PCBP3: variants seen among roughly 807,000 people sequenced by gnomAD.
The protein encoded by PCBP3 is poly(rC) binding protein 3.
PCBP3 carries 25 observed loss-of-function variants against 52.7 expected under a neutral mutation model. The ratio of observed to expected loss-of-function variants is 0.47; its 90% confidence interval spans 0.35 to 0.66. The LOEUF (loss-of-function observed/expected upper bound fraction) is 0.66, where lower values mean the gene tolerates loss of function less well. Ranked by LOEUF, PCBP3 falls within the 30% of genes least tolerant of loss-of-function variation. The pLI is 0.01. For missense variants in PCBP3, 391 were observed against 490.3 expected (o/e 0.80, Z 1.91); for synonymous variants, 162 against 183.0 (o/e 0.89, Z 0.93).
chr21:45,808,981 T>C (rs890087487), intron 4 of PCBP3, among the ~76,000 whole-genome samples: 8 of 151,544 alleles, frequency 5.3e-5, no homozygotes, highest in African/African-American at 1.7e-4. Flanking sequence ...TAAGTGGGAG[T>C]TGAACAATGA....
At chr21:45,843,017 CCT>C (rs1271070742) in intron 4 of PCBP3, among the ~76,000 whole-genome samples, 1 of 145,830 alleles carries the variant, frequency 6.9e-6, no homozygotes, top group Non-Finnish European at 1.5e-5. Context: ...TTTCCAGTGC[CCT>C]GTCTGAAATA....
chr21:45,717,695 AGT>A (rs1173762119), intron 2 of PCBP3, among the ~76,000 whole-genome samples: 1 of 152,176 alleles, frequency 6.6e-6, no homozygotes, highest in Non-Finnish European at 1.5e-5. Flanking sequence ...ACTTGATTAT[AGT>A]GTGTAATCTT....
intron 1 of PCBP3, among the ~76,000 whole-genome samples, chr21:45,651,747 A>G (rs944010228): frequency 2.6e-5 from 4 of 152,214 alleles, no homozygotes; most frequent in East Asian, 1.9e-4. Flanking sequence ...CTAAATTTCT[A>G]AAGGTAGAAC....
At position 45,880,140 on chromosome 21, in the gene PCBP3, G is replaced by A. The variant is rs2095365530; in HGVS notation, c.11-16068G>A. Among the ~76,000 whole-genome samples, 1 of 152,190 alleles carries A rather than the reference G, an allele frequency of 6.6e-6. No individual in the cohort carries two copies. Among genetic ancestry groups the A allele is most frequent in the Admixed American group, 6.5e-5 (1 of 15,278 alleles). ...TCTGCATCCTTTTTATTGACAAGAC[G>A]TTCCTGTCGTGAGTGGTTTTCCTCT... On this transcript the variant is annotated intron_variant, in intron 5 of 17. Transcript: ENST00000681687. This position sits in a 1 kb window ranked among gnomAD's most constrained non-coding sequence, Gnocchi z 5.4.
In PCBP3 at chr21:45,880,615, G is replaced by A. The variant is rs1384092951; in HGVS notation, c.11-15593G>A. On this transcript the variant is annotated intron_variant, in intron 5 of 17. Coordinates refer to ENST00000681687, the MANE Select transcript of PCBP3 (RefSeq NM_001384156.1). This position sits in a 1 kb window ranked among gnomAD's most constrained non-coding sequence, Gnocchi z 5.4. Reference sequence around the variant, plus strand: ...CGCCCCCTTGTGGGCCAAGAGTGGTGCTGGGAACTGGGGATTCAGTGGTGA... The same window carrying A: ...CGCCCCCTTGTGGGCCAAGAGTGGTACTGGGAACTGGGGATTCAGTGGTGA... 6.6e-6 allele frequency among the ~76,000 whole-genome samples: 1 copy of A among 152,168 alleles called. No individual in the cohort carries two copies.
intron 12 of PCBP3, 110 bp downstream of exon 12, chr21:45,914,135 C>T (rs755264356): frequency 4.5e-6 from 7 of 1,559,596 alleles, no homozygotes; most frequent in Non-Finnish European, 5.2e-6. Context: ...ACGTGCACGT[C>T]TCCCACCCGT....
chr21:45,848,002 G>A (rs917484305), intron 4 of PCBP3, among the ~76,000 whole-genome samples: 11 of 152,132 alleles, frequency 7.2e-5, no homozygotes, highest in Non-Finnish European at 1.6e-4. Flanking sequence ...CTCACCTCTT[G>A]GTCAGCCTCA....
At chr21:45,808,293 CATCT>C (rs938525814) in intron 4 of PCBP3, among the ~76,000 whole-genome samples, 24 of 152,090 alleles carry the variant, frequency 1.6e-4, no homozygotes, top group African/African-American at 5.6e-4. Flanking sequence ...GCAATCTATC[CATCT>C]GACAAAGGGT....
intron 17 of PCBP3, among the ~76,000 whole-genome samples, chr21:45,940,814 C>G (rs1218242618): frequency 2.0e-5 from 3 of 152,154 alleles, no homozygotes; most frequent in Non-Finnish European, 4.4e-5. Flanking sequence ...GCCCCCCAGC[C>G]AGGCACGCTG....
chr21:45,804,919 A>G (rs953707932), intron 4 of PCBP3, among the ~76,000 whole-genome samples: 9 of 151,840 alleles, frequency 5.9e-5, no homozygotes, highest in South Asian at 2.1e-4. Context: ...AGAGCTGGGC[A>G]TGGTTGAAAT....
intron 1 of PCBP3, among the ~76,000 whole-genome samples, chr21:45,654,038 G>T (rs1049450081): frequency 2.0e-5 from 3 of 151,886 alleles, no homozygotes; most frequent in Non-Finnish European, 4.4e-5. Context: ...ATTCATATGT[G>T]CTTATTATTA....
intron 4 of PCBP3, among the ~76,000 whole-genome samples, chr21:45,764,182 G>A (rs2089041974): frequency 6.6e-6 from 1 of 150,932 alleles, no homozygotes; most frequent in South Asian, 2.1e-4. Flanking sequence ...GAGTGCAATG[G>A]CGCAATCTTG....
At chr21:45,708,180 G>T (rs973386548) in intron 2 of PCBP3, among the ~76,000 whole-genome samples, 1 of 152,204 alleles carries the variant, frequency 6.6e-6, no homozygotes, top group African/African-American at 2.4e-5. Flanking sequence ...GTGAAAGGAG[G>T]ATGTTTGGGA....
intron 5 of PCBP3, among the ~76,000 whole-genome samples, chr21:45,862,912 C>A (rs2094564520): frequency 6.6e-6 from 1 of 152,198 alleles, no homozygotes; most frequent in African/African-American, 2.4e-5. Flanking sequence ...TGACTTTCTC[C>A]TACTCTGTGG....
chr21:45,789,179 C>T (rs561289575), intron 4 of PCBP3, among the ~76,000 whole-genome samples: 7 of 152,292 alleles, frequency 4.6e-5, no homozygotes, highest in East Asian at 1.9e-4. Context: ...TGTGTGCACA[C>T]GTGCGTGTGC....
intron 1 of PCBP3, among the ~76,000 whole-genome samples, chr21:45,662,273 T>TG (rs2080451152): frequency 2.1e-4 from 3 of 14,002 alleles, no homozygotes; most frequent in Non-Finnish European, 2.8e-4. Flanking sequence ...ATACCTAAGT[T>TG]TTTTTTTTTT....
At chr21:45,700,112 G>A (rs1163947950) in intron 2 of PCBP3, among the ~76,000 whole-genome samples, 1 of 152,186 alleles carries the variant, frequency 6.6e-6, no homozygotes, top group Non-Finnish European at 1.5e-5. Context: ...GACAATGTTT[G>A]ATGAGTCTGG....
At chr21:45,660,882 A>G (rs1429501448) in intron 1 of PCBP3, among the ~76,000 whole-genome samples, 1 of 152,098 alleles carries the variant, frequency 6.6e-6, no homozygotes, top group Non-Finnish European at 1.5e-5. Context: ...TTACTAAAAA[A>G]TAACAAAAAT....
intron 2 of PCBP3, among the ~76,000 whole-genome samples, chr21:45,710,109 T>A (rs2083730552): frequency 6.6e-6 from 1 of 152,180 alleles, no homozygotes; most frequent in Non-Finnish European, 1.5e-5. Flanking sequence ...GGCTGAGGTG[T>A]GTTTGTCAGA....
Sources: gnomAD v4.1 joint callset for allele counts (sites outside exome capture counted in the v4.1 genomes callset) on GRCh38, gnomAD v4.1.1 for gene constraint, Gnocchi (gnomAD v3.1) non-coding constraint, MANE v1.5 for transcripts, NCBI Gene and HGNC (gene_info 2026-07-23, HGNC 2026-07-21) for gene names.